The following CSMD3 variants were observed in gnomAD, a reference collection of about 807,000 sequenced individuals.
The protein encoded by CSMD3 is CUB and sushi domain-containing protein 3.
Under a neutral mutation model 435.2 loss-of-function variants are expected in CSMD3, and 177 were observed. The ratio of observed to expected loss-of-function variants is 0.41; its 90% confidence interval spans 0.36 to 0.46. CSMD3 has a LOEUF of 0.46. Among genes scored for constraint, CSMD3 ranks in the 20% least tolerant of loss-of-function variants. The probability of loss-of-function intolerance (pLI) is 0.34; values close to 1 mark genes in which losing one functional copy is unlikely to be tolerated. For missense variants in CSMD3, 4,265 were observed against 4,504.6 expected, an observed-to-expected ratio of 0.95 and a Z score of 1.52; for synonymous variants, 1,656 against 1,520.5, an observed-to-expected ratio of 1.09 and a Z score of -2.07.
At chr8:112,321,516 CA>C (rs1396828480) in intron 45 of CSMD3, among the ~76,000 whole-genome samples, 2 of 152,038 alleles carry the variant, frequency 1.3e-5, no homozygotes, top group African/African-American at 4.8e-5. Context: ...AAAACTTGAA[CA>C]AAAACTTGTG....
At chr8:113,186,071 T>C (rs112065955) in intron 3 of CSMD3, among the ~76,000 whole-genome samples, 13 of 152,032 alleles carry the variant, frequency 8.6e-5, no homozygotes, top group African/African-American at 3.1e-4. Context: ...TCCACTCATT[T>C]CATGGACCAA....
intron 3 of CSMD3, among the ~76,000 whole-genome samples, chr8:113,233,481 GAAT>G (rs1197909112): frequency 6.7e-6 from 1 of 150,210 alleles, no homozygotes; most frequent in African/African-American, 2.4e-5. Context: ...TTATAAAGTA[GAAT>G]ATTAATTATA....
chr8:113,401,735 A>G (rs1297989972), intron 1 of CSMD3, among the ~76,000 whole-genome samples: 1 of 151,644 alleles, frequency 6.6e-6, no homozygotes, highest in East Asian at 1.9e-4. Flanking sequence ...CAATATTTCT[A>G]TCAATGACCA....
At chr8:112,635,550 G>A (rs1356172175) in intron 22 of CSMD3, among the ~76,000 whole-genome samples, 3 of 151,802 alleles carry the variant, frequency 2.0e-5, no homozygotes, top group Non-Finnish European at 4.4e-5. Context: ...TCCTGGAAAA[G>A]ATGCCCTGAG....
At chr8:112,664,924 A>G (rs1242817504) in intron 17 of CSMD3, among the ~76,000 whole-genome samples, 3 of 152,302 alleles carry the variant, frequency 2.0e-5, no homozygotes, top group South Asian at 4.1e-4. Context: ...TGGTTATGGC[A>G]GCCCTAACTA....
chr8:113,224,151 T>C (rs1366487387), intron 3 of CSMD3, among the ~76,000 whole-genome samples: 2 of 151,294 alleles, frequency 1.3e-5, no homozygotes, highest in African/African-American at 4.8e-5. Flanking sequence ...TTTGGTTAAA[T>C]AGTATATTTT....
chr8:112,938,293 C>T (rs1360516371), intron 9 of CSMD3, among the ~76,000 whole-genome samples: 1 of 152,166 alleles, frequency 6.6e-6, no homozygotes, highest in Non-Finnish European at 1.5e-5. Flanking sequence ...TTTAATGAAA[C>T]CTGCAACTTT....
chr8:113,289,585 AGAG>A (rs1563656776), intron 2 of CSMD3, among the ~76,000 whole-genome samples: 1 of 150,674 alleles, frequency 6.6e-6, no homozygotes, highest in African/African-American at 2.4e-5. Flanking sequence ...AGAGAGAGAG[AGAG>A]AAATACATCT....
intron 32 of CSMD3, among the ~76,000 whole-genome samples, chr8:112,446,686 T>C (rs1488911933): frequency 6.6e-6 from 1 of 152,224 alleles, no homozygotes; most frequent in Non-Finnish European, 1.5e-5. Flanking sequence ...TATGTTCATA[T>C]AGCACAAGTT....
chr8:113,315,108 GTA>G (rs1201927028), intron 1 of CSMD3, among the ~76,000 whole-genome samples: 6 of 152,046 alleles, frequency 3.9e-5, no homozygotes, highest in Non-Finnish European at 8.8e-5. Flanking sequence ...CTAGAACACG[GTA>G]TCTTTCTTCA....
chr8:113,070,935 C>T (rs1356145519), intron 5 of CSMD3, among the ~76,000 whole-genome samples: 1 of 152,046 alleles, frequency 6.6e-6, no homozygotes, highest in Non-Finnish European at 1.5e-5. Flanking sequence ...TACATTTCCA[C>T]CAACACTTAC....
intron 2 of CSMD3, among the ~76,000 whole-genome samples, chr8:113,281,276 C>G (rs1333187421): frequency 6.6e-6 from 1 of 151,528 alleles, no homozygotes. Flanking sequence ...GTTGAAGTCC[C>G]CCACTATTAT....
intron 28 of CSMD3, among the ~76,000 whole-genome samples, chr8:112,509,295 C>T (rs898722027): frequency 6.6e-6 from 1 of 152,024 alleles, no homozygotes; most frequent in African/African-American, 2.4e-5. Flanking sequence ...TGCCATGTTG[C>T]CCAGGCTGGT....
rs538244919 is a variant in CSMD3, at chr8:113,286,029, A to T, written c.402-7325T>A. 4.0e-5 allele frequency among the ~76,000 whole-genome samples: 6 copies of T among 148,610 alleles called. No individual in the cohort carries two copies. In the East Asian group the frequency reaches 5.9e-4, roughly 15 times the overall value. ...AGAATGGTGCAATGTATTAGCTGGT[A>T]TTTTTTTTTTCATTTTAAATTTTAT... On this transcript the variant is annotated intron_variant, in intron 2 of 70. Transcript: ENST00000297405.
chr8:112,527,168 T>C (rs1825061348), intron 27 of CSMD3, among the ~76,000 whole-genome samples: 1 of 151,864 alleles, frequency 6.6e-6, no homozygotes, highest in African/African-American at 2.4e-5. Context: ...AGAGAGATTT[T>C]CAAACAATAA....
At chr8:112,307,746 GTAT>G (rs1453291411) in intron 50 of CSMD3, among the ~76,000 whole-genome samples, 1 of 152,136 alleles carries the variant, frequency 6.6e-6, no homozygotes, top group Non-Finnish European at 1.5e-5. Context: ...GAAAGCTTCT[GTAT>G]TATGAAAGAT....
intron 4 of CSMD3, among the ~76,000 whole-genome samples, chr8:113,102,501 A>ACT (rs1251631374): frequency 6.6e-6 from 1 of 152,128 alleles, no homozygotes; most frequent in Non-Finnish European, 1.5e-5. Flanking sequence ...TAAGCAAATG[A>ACT]CAAAGTGAAT....
chr8:112,506,408 T>C (rs1468621372), intron 29 of CSMD3, among the ~76,000 whole-genome samples: 2 of 152,118 alleles, frequency 1.3e-5, no homozygotes, highest in East Asian at 3.9e-4. Flanking sequence ...ACTGAGTTGC[T>C]ATTACCTAAC....
intron 3 of CSMD3, among the ~76,000 whole-genome samples, chr8:113,227,360 A>T (rs11998052): frequency 0.023 from 3,489 of 151,732 alleles, 148 homozygotes; most frequent in African/African-American, 0.08. Flanking sequence ...GGATTAAAAG[A>T]GAATGATTGG....
Sources: allele counts gnomAD v4.1 joint callset (sites outside exome capture counted in the v4.1 genomes callset), GRCh38; gene constraint gnomAD v4.1.1; transcripts MANE v1.5; gene names NCBI Gene and HGNC (gene_info 2026-07-23, HGNC 2026-07-21).